Variants in IL1RAPL1 observed in about 807,000 individuals in gnomAD.
IL1RAPL1 encodes the protein interleukin-1 receptor accessory protein-like 1.
Under a neutral mutation model 48.4 loss-of-function variants are expected in IL1RAPL1, and 3 were observed. The ratio of observed to expected loss-of-function variants is 0.06; its 90% CI spans 0.03 to 0.16. The LOEUF (loss-of-function observed/expected upper bound fraction) is 0.16, where lower values mean the gene tolerates loss of function less well. IL1RAPL1 is among the 10% of genes least tolerant of loss of function. The pLI is 1.00. For synonymous variants in IL1RAPL1, 185 were observed against 187.7 expected (o/e 0.99, Z 0.12); for missense variants, 349 against 530.6 (o/e 0.66, Z 3.36).
At chrX:29,494,665 G>T in intron 5 of IL1RAPL1, among the ~76,000 whole-genome samples, 1 of 111,985 alleles carries the variant, frequency 8.9e-6, no homozygotes, top group East Asian at 2.8e-4. Context: ...ATGCCTTCAG[G>T]AAAGTATGAA....
chrX:29,625,296 A>C (rs1043674108), intron 5 of IL1RAPL1, among the ~76,000 whole-genome samples: 1 of 111,979 alleles, frequency 8.9e-6, no homozygotes, highest in Admixed American at 9.5e-5. Flanking sequence ...AGTATAACCT[A>C]AGTAAATTTT....
chrX:29,712,699 T>G (rs1430443569), intron 6 of IL1RAPL1, among the ~76,000 whole-genome samples: 1 of 112,124 alleles, frequency 8.9e-6, no homozygotes, highest in Non-Finnish European at 1.9e-5. Context: ...ATATTTCTTG[T>G]GGAGTCTACA....
chrX:29,769,016 A>G (rs1928982643), intron 6 of IL1RAPL1, among the ~76,000 whole-genome samples: 1 of 110,960 alleles, frequency 9.0e-6, no homozygotes, highest in Admixed American at 9.7e-5. Context: ...GAAGCTCTAA[A>G]TATCTCAGCA....
rs759544038 is a variant in IL1RAPL1, at chrX:29,955,343, A to G, written c.1614A>G (p.Lys538=). ...KHTIKLLTVI[K]WHGPKCNKLN... ...CCATCAAGCTCCTGACGGTCATTAA[A>G]TGGCATGGACCAAAATGCAACAAGT... Residue 538 remains lysine, a synonymous_variant, in exon 11 of 11, where the codon AAA becomes AAG. Coordinates refer to ENST00000378993, the MANE Select transcript of IL1RAPL1 (RefSeq NM_014271.4). 1 of 1,211,716 alleles carries G rather than the reference A, an allele frequency of 8.3e-7. No individual in the cohort carries two copies. The highest frequency in any genetic ancestry group is 1.1e-6 in the Non-Finnish European group (1 of 895,408).
intron 5 of IL1RAPL1, among the ~76,000 whole-genome samples, chrX:29,519,095 T>C (rs959954571): frequency 1.8e-5 from 2 of 111,152 alleles, no homozygotes; most frequent in Non-Finnish European, 3.8e-5. Context: ...TGACCTGAGT[T>C]TCTAGAAGGA....
rs1187711330 is a variant in IL1RAPL1 at position 28,737,175 on chromosome X, TTC to T, written c.-24-52144_-24-52143del. Among the ~76,000 whole-genome samples the T allele has an allele frequency of 2.9e-3, 177 of 61,363 alleles. 2 individuals carry two copies. The highest frequency in any genetic ancestry group is 0.01 in the African/African-American group (171 of 16,423). 53.3% of individuals were successfully genotyped at this position (61,363 alleles called of 115,157 possible). A position where few individuals can be genotyped will look rare whatever the true frequency, so the allele number is the denominator to read the frequency against. The stretch of plus-strand genomic sequence containing the variant: ...CTTCCTTCCTTCCTTCCTTCCTTCC[TTC>T]CTTTCTTTCCTTTCTCTTTCTTTCT... On this transcript the variant is annotated intron_variant, in intron 1 of 10. Coordinates refer to ENST00000378993, the MANE Select transcript of IL1RAPL1 (RefSeq NM_014271.4).
chrX:29,356,755 T>C (rs1933309851), intron 3 of IL1RAPL1, among the ~76,000 whole-genome samples: 1 of 111,279 alleles, frequency 9.0e-6, no homozygotes, highest in Admixed American at 9.6e-5. Context: ...TATAGATCCC[T>C]GTGAGAATTT....
chrX:28,787,524 A>T (rs1936487062), intron 1 of IL1RAPL1, among the ~76,000 whole-genome samples: 1 of 111,625 alleles, frequency 9.0e-6, no homozygotes, highest in African/African-American at 3.3e-5. Context: ...TTGGATAGAA[A>T]ACTTAAACAG....
At chrX:29,217,773 T>TCACA (rs781735855) in intron 2 of IL1RAPL1, among the ~76,000 whole-genome samples, 16 of 71,054 alleles carry the variant, frequency 2.3e-4, no homozygotes, top group East Asian at 7.5e-4. Context: ...TCTCTCTCTC[T>TCACA]CTCTCACACA....
chrX:29,663,945 T>G (rs1375300885), intron 5 of IL1RAPL1, among the ~76,000 whole-genome samples: 1 of 112,375 alleles, frequency 8.9e-6, no homozygotes, highest in Admixed American at 9.4e-5. Flanking sequence ...CGACAATTCA[T>G]GCAGGAAGAC....
At chrX:29,858,310 C>T (rs192710151) in intron 6 of IL1RAPL1, among the ~76,000 whole-genome samples, 7 of 111,682 alleles carry the variant, frequency 6.3e-5, no homozygotes, top group African/African-American at 2.3e-4. Flanking sequence ...AATACATATC[C>T]GTTGCTTGAT....
At chrX:29,341,837 C>T (rs1282882800) in intron 3 of IL1RAPL1, among the ~76,000 whole-genome samples, 2 of 111,192 alleles carry the variant, frequency 1.8e-5, no homozygotes, top group African/African-American at 6.5e-5. Context: ...GACAGAGTCT[C>T]ACTCTCTCAC....
chrX:29,186,332 G>A (rs1407877493), intron 2 of IL1RAPL1, among the ~76,000 whole-genome samples: 4 of 111,726 alleles, frequency 3.6e-5, no homozygotes, highest in Admixed American at 9.6e-5. Context: ...GATACAATTC[G>A]TTTTGCTATA....
intron 6 of IL1RAPL1, among the ~76,000 whole-genome samples, chrX:29,821,717 A>T (rs966956296): frequency 8.9e-6 from 1 of 112,387 alleles, no homozygotes; most frequent in Non-Finnish European, 1.9e-5. Context: ...AGACTATTTT[A>T]TATAGCATTG....
chrX:29,581,652 A>AT (rs1178012756), intron 5 of IL1RAPL1, among the ~76,000 whole-genome samples: 21 of 109,420 alleles, frequency 1.9e-4, no homozygotes, highest in African/African-American at 4.3e-4. Context: ...ATGGACACTG[A>AT]TTTTTTTTTT....
At chrX:28,617,763 CAT>C (rs1311223215) in intron 1 of IL1RAPL1, among the ~76,000 whole-genome samples, 1 of 112,280 alleles carries the variant, frequency 8.9e-6, no homozygotes, top group Non-Finnish European at 1.9e-5. Context: ...TTTGGAATTT[CAT>C]ATGTTGATAG....
intron 2 of IL1RAPL1, among the ~76,000 whole-genome samples, chrX:28,856,218 G>C (rs1163958114): frequency 3.6e-5 from 4 of 111,951 alleles, no homozygotes; most frequent in African/African-American, 1.3e-4. Context: ...AGGCAAATCT[G>C]TGTTTGTCTG....
intron 2 of IL1RAPL1, among the ~76,000 whole-genome samples, chrX:29,234,825 CTG>C (rs1438211718): frequency 8.9e-6 from 1 of 112,537 alleles, no homozygotes; most frequent in Admixed American, 9.4e-5. Context: ...CCACTCAAGA[CTG>C]TATTGAATAT....
chrX:28,737,210 T>C (rs1935849748), intron 1 of IL1RAPL1, among the ~76,000 whole-genome samples: 1 of 35,074 alleles, frequency 2.9e-5, no homozygotes, highest in East Asian at 1.0e-3. Context: ...TCTTTCTCTT[T>C]CTTTCTTTCT....
Sources: gnomAD v4.1 joint callset for allele counts (sites outside exome capture counted in the v4.1 genomes callset) on GRCh38, gnomAD v4.1.1 for gene constraint, MANE v1.5 for transcripts, NCBI Gene and HGNC (gene_info 2026-07-23, HGNC 2026-07-21) for gene names.